PSMC3: variants seen among roughly 807,000 people sequenced by gnomAD.
PSMC3 encodes the protein 26S proteasome regulatory subunit 6A.
A neutral mutation model predicts 52.0 loss-of-function variants in PSMC3; 11 were observed. The observed-to-expected ratio is 0.21, with a 90% CI of 0.13 to 0.35. The LOEUF (loss-of-function observed/expected upper bound fraction) is 0.35. PSMC3 is among the 10% of genes least tolerant of loss of function. PSMC3 has a pLI of 1.00. For synonymous variants in PSMC3, 201 were observed against 218.8 expected, an observed-to-expected ratio of 0.92 and a Z score of 0.72; for missense variants, 238 against 567.1, an observed-to-expected ratio of 0.42 and a Z score of 5.89.
At position 47,425,089 on chromosome 11, in the gene PSMC3, C is replaced by T. The variant is rs1190676890; in HGVS notation, c.285+32G>A. On this transcript the variant is annotated intron_variant, in intron 3 of 11. Transcript: ENST00000298852. ...CCAGGCTGTCCCCATTCCCTGCTGA[C>T]TCCCTCTCTTCCCCTCCACATACAC... 1.9e-6 allele frequency: 3 copies of T among 1,613,428 alleles called. No individual in the cohort carries two copies. In the Admixed American group the frequency reaches 5.0e-5, roughly 27 times the overall value.
At position 47,424,210 on chromosome 11, in the gene PSMC3, A is replaced by C; in HGVS notation, c.454-27T>G. The C allele has an allele frequency of 6.2e-7, 1 of 1,614,156 alleles. No homozygotes were observed. Among genetic ancestry groups the C allele is most frequent in the Non-Finnish European group, 8.5e-7 (1 of 1,180,016 alleles). The stretch of plus-strand genomic sequence containing the variant: ...TAAGGACACAGCACAGGGCCTTCAG[A>C]TTTGGCCCAGCTCAAGGGCTACCCA... On this transcript the variant is annotated intron_variant, in intron 5 of 11. Transcript: ENST00000298852. The surrounding 1 kb of genome is among the most constrained non-coding windows in gnomAD (Gnocchi z 4.8).
chr11:47,419,276 G>A (rs1316017633), intron 10 of PSMC3, 79 bp from the exon 11 acceptor site: 19 of 1,471,404 alleles, frequency 1.3e-5, no homozygotes, highest in Non-Finnish European at 1.6e-5. Context: ...CCCTGGCCCC[G>A]TCAAGCAACA....
At chr11:47,425,751 A>C in intron 2 of PSMC3, 116 bp downstream of exon 2, 2 of 833,358 alleles carry the variant, frequency 2.4e-6, no homozygotes, top group Non-Finnish European at 1.9e-6. Flanking sequence ...ATGAGGGGGA[A>C]GCCCGAGCCC....
At chr11:47,419,320 C>T in intron 10 of PSMC3, 123 bp from the exon 11 acceptor site, 1 of 949,538 alleles carries the variant, frequency 1.1e-6, no homozygotes, top group Non-Finnish European at 1.7e-6. Context: ...AGGCAAGTCC[C>T]TTACTCAATG....
chr11:47,418,970 A>G (rs1391860980), intron 11 of PSMC3, 25 bp from the exon 12 acceptor site: 6 of 1,612,820 alleles, frequency 3.7e-6, no homozygotes, highest in Non-Finnish European at 4.2e-6. Flanking sequence ...AACAGAGTCT[A>G]GGTCTGAACG....
Position 47,422,284 on chromosome 11 carries a change from C to G in PSMC3, c.884+290G>C, listed in dbSNP as rs961064997. Among the ~76,000 whole-genome samples the G allele has an allele frequency of 6.6e-6, 1 of 152,102 alleles. No individual in the cohort carries two copies. The highest frequency in any genetic ancestry group is 2.4e-5 in the African/African-American group (1 of 41,408). ...GTCTCGATCTCCTGACCTCGTGATC[C>G]GCCTGCCTCGGCCTCCCAAAGTGCT... On this transcript the variant is annotated intron_variant, in intron 8 of 11. Transcript: ENST00000298852. The surrounding 1 kb of genome is among the most constrained non-coding windows in gnomAD (Gnocchi z 4.3).
In PSMC3 at chr11:47,424,189, G is replaced by T. The variant is rs993561862; in HGVS notation, c.454-6C>A. On this transcript the variant is annotated splice_polypyrimidine_tract_variant and splice_region_variant and intron_variant, in intron 5 of 11. Transcript: ENST00000298852. This position sits in a 1 kb window ranked among gnomAD's most constrained non-coding sequence, Gnocchi z 4.8. ...TAGGAGTCTTTGTTCACACCCTAAG[G>T]ACACAGCACAGGGCCTTCAGATTTG... 1.2e-6 allele frequency: 2 copies of T among 1,614,198 alleles called. No homozygotes were observed. Among genetic ancestry groups the T allele is most frequent in the South Asian group, 2.2e-5 (2 of 91,092 alleles).
At position 47,419,307 on chromosome 11, in the gene PSMC3, C is replaced by T; in HGVS notation, c.1128-110G>A. ...CAACAAAGTCAAGTTGCCCTGTGAT[C>T]AGAGGCAAGTCCCTTACTCAATGCG... On this transcript the variant is annotated intron_variant, in intron 10 of 11. Coordinates refer to ENST00000298852, the MANE Select transcript of PSMC3 (RefSeq NM_002804.5). The T allele has an allele frequency of 8.0e-6, 9 of 1,122,236 alleles. No homozygotes were observed. In the South Asian group the frequency reaches 1.2e-4, roughly 14 times the overall value. The allele number at this position is 1,122,236 out of a possible 1,614,324, so 69.5% of individuals were successfully genotyped here.
chr11:47,425,277 TA>T (rs1382049307), intron 2 of PSMC3, 31 bp from the exon 3 acceptor site: 5 of 1,613,318 alleles, frequency 3.1e-6, no homozygotes, highest in East Asian at 4.5e-5. Context: ...GAAGCAAATA[TA>T]AACCCTGGCA....
At chr11:47,419,910 G>A (rs531229559) in intron 10 of PSMC3, among the ~76,000 whole-genome samples, 4 of 151,372 alleles carry the variant, frequency 2.6e-5, no homozygotes, top group African/African-American at 9.7e-5. Context: ...CATGCCACCT[G>A]CTGAGAGTCA....
intron 6 of PSMC3, 76 bp from the exon 7 acceptor site, chr11:47,423,049 C>T: frequency 7.1e-7 from 1 of 1,408,076 alleles, no homozygotes; most frequent in East Asian, 2.3e-5. Context: ...GGCTCCAACC[C>T]CAATCTGCAT....
chr11:47,423,729 C>T (rs567892222), intron 6 of PSMC3, among the ~76,000 whole-genome samples: 100 of 151,072 alleles, frequency 6.6e-4, no homozygotes, highest in African/African-American at 2.1e-3. Context: ...GCAGAGGTTG[C>T]GGTGAGCCGA....
chr11:47,419,630 T>A (rs546507442), intron 10 of PSMC3, among the ~76,000 whole-genome samples: 1 of 151,984 alleles, frequency 6.6e-6, no homozygotes, highest in Admixed American at 6.6e-5. Flanking sequence ...GAGGCCAAGG[T>A]GGGCGGATCA....
chr11:47,425,403 C>A (rs1196712581), intron 2 of PSMC3, 157 bp from the exon 3 acceptor site: 6 of 882,994 alleles, frequency 6.8e-6, no homozygotes, highest in Non-Finnish European at 1.0e-5. Context: ...GTGTCCACAT[C>A]CTGCAGAAGT....
chr11:47,426,387 A>C lies in PSMC3; in HGVS notation c.-108T>G. On this transcript the variant is annotated 5_prime_UTR_variant, in exon 1 of 12. The change creates a new upstream start codon in the 5' untranslated region. Coordinates refer to ENST00000298852, the MANE Select transcript of PSMC3 (RefSeq NM_002804.5). The stretch of plus-strand genomic sequence containing the variant: ...GACCAGTGGAAAACCTCTCCCCACA[A>C]ATCCCGACTCTTGACCCGACCAGCT... 4 of 1,041,658 alleles carry C rather than the reference A, an allele frequency of 3.8e-6. No individual in the cohort carries two copies. Among genetic ancestry groups the C allele is most frequent in the Middle Eastern group, 6.0e-4 (2 of 3,354 alleles). 64.5% of individuals were successfully genotyped at this position (1,041,658 alleles called of 1,614,324 possible).
Position 47,422,910 on chromosome 11 carries a change from G to A in PSMC3, c.655C>T (p.Pro219Ser), listed in dbSNP as rs1311648735. ...KEKFENLGIQ[P>S]PKGVLMYGPP... Reference sequence around the variant, plus strand: ...CCATACATCAGCACCCCTTTTGGAGGTTGGATCCCCAAGTTCTCAAACTTC... The same window carrying A: ...CCATACATCAGCACCCCTTTTGGAGATTGGATCCCCAAGTTCTCAAACTTC... Residue 219 changes from proline to serine, a missense_variant, in exon 7 of 12, where the codon CCT (proline) becomes TCT (serine). This residue lies in a region of PSMC3 where 60 missense variants were observed against 117.3 expected (regional missense o/e 0.51). Coordinates refer to ENST00000298852, the MANE Select transcript of PSMC3 (RefSeq NM_002804.5). This position sits in a 1 kb window ranked among gnomAD's most constrained non-coding sequence, Gnocchi z 4.3. The A allele has an allele frequency of 1.2e-6, 2 of 1,613,974 alleles. No individual in the cohort carries two copies.
chr11:47,421,194 G>A (rs1212474433), intron 8 of PSMC3, among the ~76,000 whole-genome samples: 1 of 143,696 alleles, frequency 7.0e-6, no homozygotes, highest in Non-Finnish European at 1.5e-5. Context: ...AGGTTGCAGT[G>A]AGCCGAGATC....
chr11:47,419,725 G>A (rs1372558676), intron 10 of PSMC3, among the ~76,000 whole-genome samples: 5 of 152,222 alleles, frequency 3.3e-5, no homozygotes, highest in East Asian at 1.9e-4. Flanking sequence ...CGGGCGTGGT[G>A]GCGGGCGCCT....
chr11:47,424,182 C>T lies in PSMC3; in HGVS notation c.455G>A (p.Gly152Asp). ...GATCAGATAGGAGTCTTTGTTCACA[C>T]CCTAAGGACACAGCACAGGGCCTTC... ...AEKLKPGDLV[G>D]VNKDSYLILE... Residue 152 changes from glycine (G) to aspartate (D), a missense_variant and splice_region_variant, in exon 6 of 12, where the codon GGT (glycine) becomes GAT (aspartate). Gly to Asp is a moderately conservative substitution (Grantham distance 94). Around this residue, in one of 6 missense-constraint regions of PSMC3, gnomAD observed 60 missense variants for 117.3 expected, o/e 0.51. Transcript: ENST00000298852. This position sits in a 1 kb window ranked among gnomAD's most constrained non-coding sequence, Gnocchi z 4.8. 6.2e-7 allele frequency: 1 copy of T among 1,614,222 alleles called. No individual in the cohort carries two copies. Among genetic ancestry groups the T allele is most frequent in the Non-Finnish European group, 8.5e-7 (1 of 1,180,046 alleles).
Sources: gnomAD v4.1 joint callset for allele counts (sites outside exome capture counted in the v4.1 genomes callset) on GRCh38, gnomAD v4.1.1 for gene constraint, gnomAD v4.1.1 regional missense constraint, Gnocchi (gnomAD v3.1) non-coding constraint, MANE v1.5 for transcripts, NCBI Gene and HGNC (gene_info 2026-07-23, HGNC 2026-07-21) for gene names.